CNOT2: variants seen among roughly 807,000 people sequenced by gnomAD.
CNOT2 encodes the protein CC chemokine receptor 4-negative regulator of transcription 2.
In CNOT2, 7 loss-of-function variants were observed where a neutral mutation model predicts 72.1. The ratio of observed to expected loss-of-function variants is 0.10; its 90% CI spans 0.06 to 0.18. The LOEUF (loss-of-function observed/expected upper bound fraction) is 0.18. Among genes scored for constraint, CNOT2 ranks in the 10% least tolerant of loss-of-function variants. The pLI is 1.00. For missense variants in CNOT2, 345 were observed against 660.3 expected (o/e 0.52, Z 5.23); for synonymous variants, 196 against 225.6 (o/e 0.87, Z 1.17).
At chr12:70,352,403 G>C (rs948003530) in intron 15 of CNOT2, among the ~76,000 whole-genome samples, 3 of 152,112 alleles carry the variant, frequency 2.0e-5, no homozygotes, top group Non-Finnish European at 2.9e-5. Flanking sequence ...AATAAATTCT[G>C]CTGTTAGGTC....
At chr12:70,247,933 T>G (rs1026503793) in intron 1 of CNOT2, among the ~76,000 whole-genome samples, 7 of 152,236 alleles carry the variant, frequency 4.6e-5, no homozygotes, top group Non-Finnish European at 1.0e-4. Context: ...ACAGTTTTGC[T>G]TCTTAATTAC....
chr12:70,265,156 G>T (rs1239863794), intron 1 of CNOT2, among the ~76,000 whole-genome samples: 1 of 151,932 alleles, frequency 6.6e-6, no homozygotes, highest in Non-Finnish European at 1.5e-5. Flanking sequence ...CCTCAAAAAT[G>T]ACTTAAGTGT....
chr12:70,297,069 C>G (rs1360246021), intron 2 of CNOT2, among the ~76,000 whole-genome samples: 3 of 152,108 alleles, frequency 2.0e-5, no homozygotes, highest in African/African-American at 7.2e-5. Context: ...TGTTAATTGG[C>G]TACACCTTGA....
chr12:70,306,379 ACTC>A (rs1875392020), intron 2 of CNOT2, among the ~76,000 whole-genome samples: 1 of 151,018 alleles, frequency 6.6e-6, no homozygotes, highest in Non-Finnish European at 1.5e-5. Context: ...CTGGTCTTGA[ACTC>A]CTGACCTCAA....
At chr12:70,331,695 C>A (rs1301738422) in intron 6 of CNOT2, 7 of 151,666 alleles carry the variant, frequency 4.6e-5, no homozygotes, top group Non-Finnish European at 8.8e-5. Flanking sequence ...CAAAAATTTC[C>A]ATTGACTTTC....
intron 15 of CNOT2, chr12:70,347,967 A>C (rs1182301046): frequency 1.3e-5 from 2 of 152,130 alleles, no homozygotes; most frequent in Non-Finnish European, 2.9e-5. Flanking sequence ...ATTTGAATTT[A>C]ACTCCTATTG....
intron 2 of CNOT2, among the ~76,000 whole-genome samples, chr12:70,302,240 T>C (rs1392173732): frequency 2.0e-5 from 3 of 152,136 alleles, no homozygotes; most frequent in Non-Finnish European, 4.4e-5. Flanking sequence ...ATTTTAGTTA[T>C]TTCTTGCCTT....
chr12:70,262,521 T>C (rs1220636940), intron 1 of CNOT2, among the ~76,000 whole-genome samples: 1 of 152,220 alleles, frequency 6.6e-6, no homozygotes, highest in Non-Finnish European at 1.5e-5. Flanking sequence ...GTGATCTGCC[T>C]GCCTTGGCCT....
intron 8 of CNOT2, chr12:70,336,723 T>C (rs1177275364): frequency 6.6e-6 from 1 of 152,062 alleles, no homozygotes; most frequent in Admixed American, 6.6e-5. Flanking sequence ...TAACCTTTCC[T>C]CATAGGTCCA....
chr12:70,344,739 A>G (rs1207264405), intron 14 of CNOT2: 3 of 152,204 alleles, frequency 2.0e-5, no homozygotes, highest in Non-Finnish European at 4.4e-5. Flanking sequence ...AAAATAACTA[A>G]TAAGTGCCAA....
intron 1 of CNOT2, among the ~76,000 whole-genome samples, chr12:70,263,740 A>C (rs150111731): frequency 6.6e-6 from 1 of 152,088 alleles, no homozygotes; most frequent in Non-Finnish European, 1.5e-5. Flanking sequence ...AATTACTTCT[A>C]TTTATTTGCA....
intron 2 of CNOT2, among the ~76,000 whole-genome samples, chr12:70,296,865 A>G (rs570698482): frequency 3.3e-5 from 5 of 152,156 alleles, no homozygotes; most frequent in African/African-American, 9.6e-5. Flanking sequence ...AAAAAATACT[A>G]CTGAAACAAA....
rs771355792 is a variant in CNOT2, at chr12:70,346,321, T to G, written c.1533T>G (p.Ala511=). The G allele has an allele frequency of 1.2e-6, 2 of 1,610,330 alleles. No homozygotes were observed. Among genetic ancestry groups the G allele is most frequent in the South Asian group, 1.1e-5 (1 of 90,960 alleles). ...ACTGTCTTAACTGGAGGAAAGTAGC[T>G]AAGGTATATTTCTTTCCATGTGCAA... ...FFDCLNWRKV[A]KEFHLEYDKL... Residue 511 remains alanine, a synonymous_variant, in exon 15 of 16, where the codon GCT becomes GCG. Transcript: ENST00000229195.
intron 3 of CNOT2, among the ~76,000 whole-genome samples, chr12:70,318,351 CTAA>C (rs901000004): frequency 2.0e-5 from 3 of 151,834 alleles, no homozygotes; most frequent in Non-Finnish European, 4.4e-5. Context: ...TTTATGTTCT[CTAA>C]TAATATTACA....
intron 2 of CNOT2, among the ~76,000 whole-genome samples, chr12:70,300,902 G>A (rs1020664953): frequency 1.3e-5 from 2 of 152,158 alleles, no homozygotes; most frequent in African/African-American, 4.8e-5. Flanking sequence ...TCATTGAGCA[G>A]TGGTTTGTAG....
chr12:70,352,749 G>A (rs1380205037), intron 15 of CNOT2, among the ~76,000 whole-genome samples: 1 of 152,118 alleles, frequency 6.6e-6, no homozygotes, highest in Non-Finnish European at 1.5e-5. Context: ...GGTATTTGTT[G>A]TTTGCATTTT....
chr12:70,255,062 G>A (rs1958364341), intron 1 of CNOT2, among the ~76,000 whole-genome samples: 1 of 151,940 alleles, frequency 6.6e-6, no homozygotes, highest in Admixed American at 6.6e-5. Flanking sequence ...GAGAGATTGT[G>A]GGAGTGGTAA....
chr12:70,262,347 C>A (rs1958811895), intron 1 of CNOT2, among the ~76,000 whole-genome samples: 1 of 152,120 alleles, frequency 6.6e-6, no homozygotes. Flanking sequence ...AATCTCGGCT[C>A]ACTGCAAGCT....
At chr12:70,246,029 G>A (rs12424087) in intron 1 of CNOT2, among the ~76,000 whole-genome samples, 6,890 of 152,154 alleles carry the variant, frequency 0.045, 666 homozygotes, top group East Asian at 0.44. Context: ...TTTACAACCT[G>A]TATAAGTTAT....
Sources: gnomAD v4.1 joint callset for allele counts (sites outside exome capture counted in the v4.1 genomes callset) on GRCh38, gnomAD v4.1.1 for gene constraint, MANE v1.5 for transcripts, NCBI Gene and HGNC (gene_info 2026-07-23, HGNC 2026-07-21) for gene names.